The following TYMP variants were observed in gnomAD, a reference collection of about 807,000 sequenced individuals.
The protein encoded by TYMP is thymidine phosphorylase, also known as gliostatin.
In TYMP, 46 loss-of-function variants were observed where a neutral mutation model predicts 42.3. The observed-to-expected ratio is 1.09, with a 90% CI of 0.86 to 1.39. The LOEUF is 1.39. TYMP is among the 40% of genes most tolerant of loss of function. The pLI is 0.00. For synonymous variants in TYMP, 363 were observed against 308.0 expected (o/e 1.18, Z -1.87); for missense variants, 837 against 677.6 (o/e 1.24, Z -2.61).
chr22:50,526,268 C>T lies in TYMP; in HGVS notation c.1137G>A (p.Glu379=), dbSNP rs764142194. The part of the protein sequence containing the change: ...RQLLPRAREQ[E]ELLAPADGTV... ...CACCATCTGCGGGCGCCAGCAGCTC[C>T]TCCTGCTCCCGGGCGCGAGGCAGCA... is the stretch of plus-strand genomic sequence containing the variant. Residue 379 remains glutamate, a synonymous_variant, in exon 8 of 10, where the codon GAG becomes GAA. Coordinates refer to ENST00000252029, the MANE Select transcript of TYMP (RefSeq NM_001953.5). 85 of 1,541,616 alleles carry T rather than the reference C, an allele frequency of 5.5e-5. No homozygotes were observed. Among genetic ancestry groups the T allele is most frequent in the African/African-American group, 7.0e-5 (5 of 70,938 alleles).
At position 50,528,586 on chromosome 22, in the gene TYMP, G is replaced by T; in HGVS notation, c.442C>A (p.Leu148Met). ...TCCAAGGTGCCTCCTGTGTGCCCCA[G>T]ACCACGTCCGCTGATCATTGGCACC... ...CKVPMISGRG[L>M]GHTGGTLDKL... Residue 148 changes from leucine to methionine, a missense_variant, in exon 4 of 10, where the codon CTG becomes ATG. Coordinates refer to ENST00000252029, the MANE Select transcript of TYMP (RefSeq NM_001953.5). 1 of 1,613,808 alleles carries T rather than the reference G, an allele frequency of 6.2e-7. No homozygotes were observed. Among genetic ancestry groups the T allele is most frequent in the South Asian group, 1.1e-5 (1 of 91,042 alleles).
chr22:50,527,597 G>A lies in TYMP; in HGVS notation c.637C>T (p.Leu213Phe). Reference sequence around the variant, plus strand: ...CATGGAGTCAGGTCACCTGTGATGAGTGGCAGGCTGTCCACGGTGGCTGTC... The same window carrying A: ...CATGGAGTCAGGTCACCTGTGATGAATGGCAGGCTGTCCACGGTGGCTGTC... ...DVTATVDSLP[L>F]ITASILSKKL... The change falls in exon 5 of 10, where the codon CTC becomes TTC. Residue 213 changes from leucine to phenylalanine, a missense_variant. Transcript: ENST00000252029. The A allele has an allele frequency of 1.2e-6, 2 of 1,613,990 alleles. No individual in the cohort carries two copies. The highest frequency in any genetic ancestry group is 1.7e-6 in the Non-Finnish European group (2 of 1,180,020).
At chr22:50,527,911 A>AAG in intron 4 of TYMP, 194 bp from the exon 5 acceptor site, 1 of 640,332 alleles carries the variant, frequency 1.6e-6, no homozygotes, top group Non-Finnish European at 2.7e-6. Context: ...AGTAGCTGGG[A>AAG]CTACAGGTGC....
At chr22:50,526,813 C>T (rs989422432) in intron 6 of TYMP, 75 bp from the exon 7 acceptor site, 10 of 1,445,474 alleles carry the variant, frequency 6.9e-6, no homozygotes, top group Admixed American at 2.1e-5. Context: ...AACTCCAGCC[C>T]CTGCTGCACC....
In TYMP at chr22:50,529,944, A is replaced by T. The variant is rs895613086; in HGVS notation, c.-51T>A. On this transcript the variant is annotated 5_prime_UTR_variant, in exon 1 of 10. Coordinates refer to ENST00000252029, the MANE Select transcript of TYMP (RefSeq NM_001953.5). Reference sequence around the variant, plus strand: ...CCCTCGCCCGCTTGCTCCGGATCCCAGCCCAGGTACCCGGCCTCGCCCGCG... The same window carrying T: ...CCCTCGCCCGCTTGCTCCGGATCCCTGCCCAGGTACCCGGCCTCGCCCGCG... 1.7e-6 allele frequency: 1 copy of T among 585,522 alleles called. No homozygotes were observed. Among genetic ancestry groups the T allele is most frequent in the Non-Finnish European group, 3.0e-6 (1 of 329,044 alleles). 36.3% of individuals were successfully genotyped at this position (585,522 alleles called of 1,614,324 possible).
At position 50,526,793 on chromosome 22, in the gene TYMP, T is replaced by C. The variant is rs1211459417; in HGVS notation, c.766-55A>G. On this transcript the variant is annotated intron_variant, in intron 6 of 9. Transcript: ENST00000252029. ...CCATGGCGGGGCCTTCTGCAGCCGG[T>C]TCTTGGTCGAACTCCAGCCCCTGCT... is the stretch of plus-strand genomic sequence containing the variant. The C allele has an allele frequency of 3.3e-6, 5 of 1,516,860 alleles. No individual in the cohort carries two copies. The Admixed American group carries it at 8.0e-5, about 24-fold the overall frequency. 94.0% of individuals were successfully genotyped at this position (1,516,860 alleles called of 1,614,324 possible). A position where few individuals can be genotyped will look rare whatever the true frequency, so the allele number is the denominator to read the frequency against.
chr22:50,526,105 A>G lies in TYMP; in HGVS notation c.1196T>C (p.Leu399Pro). 6.7e-7 allele frequency: 1 copy of G among 1,489,532 alleles called. No homozygotes were observed. Among genetic ancestry groups the G allele is most frequent in the South Asian group, 1.3e-5 (1 of 79,066 alleles). 92.3% of individuals were successfully genotyped at this position (1,489,532 alleles called of 1,614,324 possible). Residue 399 changes from leucine to proline, a missense_variant, in exon 9 of 10, where the codon CTG (leucine) becomes CCG (proline). Transcript: ENST00000252029. ...CCCGGCCCCGAGCTCGTGCAGCACCAGCGCCAGCGGCAGCGCCCGGACCAG... is the reference window on the plus strand; with the variant it reads ...CCCGGCCCCGAGCTCGTGCAGCACCGGCGCCAGCGGCAGCGCCCGGACCAG... ...VELVRALPLA[L>P]VLHELGAGRS... is the part of the protein sequence containing the mutation.
chr22:50,527,665 T>G lies in TYMP; in HGVS notation c.569A>C (p.Gln190Pro). The G allele has an allele frequency of 6.2e-7, 1 of 1,613,954 alleles. No individual in the cohort carries two copies. The highest frequency in any genetic ancestry group is 8.5e-7 in the Non-Finnish European group (1 of 1,180,008). The part of the protein sequence containing the change: ...AGCCIVGQSE[Q>P]LVPADGILYA... ...TAGGATTCCGTCCGCAGGAACCAGCTGCTCACTCTGACCCACGATACAGCA... is the reference window on the plus strand; with the variant it reads ...TAGGATTCCGTCCGCAGGAACCAGCGGCTCACTCTGACCCACGATACAGCA... Residue 190 changes from glutamine to proline, a missense_variant, in exon 5 of 10, where the codon CAG becomes CCG. Transcript: ENST00000252029.
intron 6 of TYMP, 54 bp from the exon 7 acceptor site, chr22:50,526,792 G>A: frequency 1.3e-6 from 2 of 1,516,930 alleles, no homozygotes; most frequent in Non-Finnish European, 1.8e-6. Flanking sequence ...TCTGCAGCCG[G>A]TTCTTGGTCG....
At chr22:50,529,101 A>G (rs1458741047) in intron 3 of TYMP, 35 bp downstream of exon 3, 5 of 1,609,450 alleles carry the variant, frequency 3.1e-6, no homozygotes, top group Admixed American at 1.7e-5. Context: ...CATGTGCGGT[A>G]TAGGCTCCCG....
At chr22:50,528,813 G>T (rs2069485388) in intron 3 of TYMP, 1 of 633,672 alleles carries the variant, frequency 1.6e-6, no homozygotes. Flanking sequence ...CTGTCCTTGG[G>T]GAAACAAGGC....
chr22:50,529,734 G>A lies in TYMP; in HGVS notation c.-10-15C>T, dbSNP rs769503606. 6.3e-7 allele frequency: 1 copy of A among 1,595,486 alleles called. No homozygotes were observed. Among genetic ancestry groups the A allele is most frequent in the South Asian group, 1.1e-5 (1 of 88,902 alleles). On this transcript the variant is annotated splice_polypyrimidine_tract_variant and intron_variant, in intron 1 of 9. Coordinates refer to ENST00000252029, the MANE Select transcript of TYMP (RefSeq NM_001953.5). ...TCGCTCCGGGCCTGCGGGGATGCCT[G>A]ACACGTCCGGGGTCTGCGGCCTCCC... is the stretch of plus-strand genomic sequence containing the variant.
Position 50,529,939 on chromosome 22 carries a change from A to G in TYMP, c.-46T>C. The G allele has an allele frequency of 1.7e-6, 1 of 588,716 alleles. No individual in the cohort carries two copies. The highest frequency in any genetic ancestry group is 3.0e-6 in the Non-Finnish European group (1 of 331,336). The allele number at this position is 588,716 out of a possible 1,614,324, so 36.5% of individuals were successfully genotyped here. ...CGCTGCCCTCGCCCGCTTGCTCCGG[A>G]TCCCAGCCCAGGTACCCGGCCTCGC... On this transcript the variant is annotated 5_prime_UTR_variant, in exon 1 of 10. Transcript: ENST00000252029.
Position 50,527,191 on chromosome 22 carries a change from GCTC to G in TYMP, c.736_738del (p.Glu246del), listed in dbSNP as rs1251552725. ...AGCGTCTTTGCCAGCTCCCGGGCCTGCTCCTGGTTGGGGAAGACGGCGGCCCCT... is the reference window on the plus strand; with the variant it reads ...AGCGTCTTTGCCAGCTCCCGGGCCTGCTGGTTGGGGAAGACGGCGGCCCCT... On this transcript the variant is annotated inframe_deletion, in exon 6 of 10. Coordinates refer to ENST00000252029, the MANE Select transcript of TYMP (RefSeq NM_001953.5). 1 of 1,613,350 alleles carries G rather than the reference GCTC, an allele frequency of 6.2e-7. No individual in the cohort carries two copies. The highest frequency in any genetic ancestry group is 8.5e-7 in the Non-Finnish European group (1 of 1,179,984).
rs2069399531 is a variant in TYMP, at chr22:50,526,679, C to T, written c.825G>A (p.Lys275=). ...CGTGGCCCACGCAGCGACCCAGGGG[C>T]TTGTCCATGGCGGTCAGCGCTGCCG... ...RVAAALTAMD[K]PLGRCVGHAL... Residue 275 remains lysine (K), a synonymous_variant, in exon 7 of 10, where the codon AAG becomes AAA. Transcript: ENST00000252029. 3.2e-6 allele frequency: 5 copies of T among 1,549,750 alleles called. No individual in the cohort carries two copies. In the East Asian group the frequency reaches 9.7e-5, roughly 30 times the overall value.
chr22:50,526,502 G>C (rs759044025), intron 7 of TYMP, 26 bp from the exon 8 acceptor site: 1 of 1,519,858 alleles, frequency 6.6e-7, no homozygotes, highest in Non-Finnish European at 8.8e-7. Flanking sequence ...GGTCTTAGGC[G>C]CGGCCGGGTC....
At chr22:50,528,205 G>GTT (rs2069466059) in intron 4 of TYMP, 4 of 449,040 alleles carry the variant, frequency 8.9e-6, no homozygotes, top group Non-Finnish European at 1.7e-5. Flanking sequence ...GGGTTTTGCC[G>GTT]TGTTATCCAG....
chr22:50,526,252 CG>C lies in TYMP; in HGVS notation c.1152del (p.Ala385GlnfsTer?). 1.3e-6 allele frequency: 2 copies of C among 1,534,134 alleles called. No individual in the cohort carries two copies. The highest frequency in any genetic ancestry group is 8.7e-7 in the Non-Finnish European group (1 of 1,150,376). On this transcript the variant is annotated frameshift_variant, in exon 8 of 10. Transcript: ENST00000252029. LOFTEE classifies it high-confidence loss of function. ...RAREQEELLA[P>X]ADGTVELVRA... ...GGACTCCCCCGACGCTCACCATCTG[CG>C]GGCGCCAGCAGCTCCTCCTGCTCCC... is the stretch of plus-strand genomic sequence containing the variant.
At chr22:50,529,796 C>T in intron 1 of TYMP, 77 bp from the exon 2 acceptor site, 1 of 1,290,952 alleles carries the variant, frequency 7.7e-7, no homozygotes, top group Admixed American at 2.2e-5. Context: ...CTGTCCCGAC[C>T]CCTTTCCCGT....
Sources: allele counts gnomAD v4.1 joint callset, GRCh38; gene constraint gnomAD v4.1.1; transcripts MANE v1.5; gene names NCBI Gene and HGNC (gene_info 2026-07-23, HGNC 2026-07-21).